The following PTPRD variants were observed in gnomAD, a reference collection of about 807,000 sequenced individuals.
PTPRD encodes receptor-type tyrosine-protein phosphatase delta.
A neutral mutation model predicts 214.5 loss-of-function variants in PTPRD; 34 were observed. The ratio of observed to expected loss-of-function variants is 0.16; its 90% confidence interval spans 0.12 to 0.21. PTPRD has a LOEUF of 0.21. Ranked by LOEUF, PTPRD falls within the 10% of genes least tolerant of loss-of-function variation. The pLI is 1.00. For missense variants in PTPRD, 2,545 were observed against 2,398.7 expected (o/e 1.06, Z -1.27); for synonymous variants, 1,128 against 845.7 (o/e 1.33, Z -5.79).
At chr9:9,605,611 A>C (rs1461302361) in intron 7 of PTPRD, among the ~76,000 whole-genome samples, 1 of 152,092 alleles carries the variant, frequency 6.6e-6, no homozygotes, top group Non-Finnish European at 1.5e-5. Context: ...CATTATGCAA[A>C]TTATATAACA....
intron 8 of PTPRD, among the ~76,000 whole-genome samples, chr9:9,510,856 A>G (rs10491611): frequency 0.12 from 18,632 of 151,704 alleles, 1,224 homozygotes; most frequent in Middle Eastern, 0.18. Flanking sequence ...CTCATTTTAC[A>G]TAATTGACAA....
At chr9:8,919,265 C>T (rs551402744) in intron 11 of PTPRD, among the ~76,000 whole-genome samples, 3 of 151,914 alleles carry the variant, frequency 2.0e-5, no homozygotes, top group Admixed American at 6.6e-5. Context: ...TGGTGGTGCA[C>T]ACCTGTAGTC....
intron 12 of PTPRD, among the ~76,000 whole-genome samples, chr9:8,675,481 C>T (rs2097384446): frequency 7.0e-6 from 1 of 142,490 alleles, no homozygotes; most frequent in South Asian, 2.3e-4. Flanking sequence ...TTATGTCATA[C>T]CCCCACCTCC....
At chr9:9,276,777 A>G (rs747718387) in intron 9 of PTPRD, among the ~76,000 whole-genome samples, 2 of 151,386 alleles carry the variant, frequency 1.3e-5, no homozygotes, top group Non-Finnish European at 3.0e-5. Context: ...TAAGGGGGCT[A>G]TGACGTATTC....
chr9:8,905,022 C>G (rs919486408), intron 11 of PTPRD, among the ~76,000 whole-genome samples: 6 of 152,098 alleles, frequency 3.9e-5, no homozygotes, highest in African/African-American at 1.4e-4. Flanking sequence ...AGAAGAAAAA[C>G]ACTTCAAGAT....
chr9:8,360,005 G>C (rs917947560), intron 39 of PTPRD, among the ~76,000 whole-genome samples: 1 of 152,174 alleles, frequency 6.6e-6, no homozygotes, highest in Non-Finnish European at 1.5e-5. Context: ...CTACTCTCCA[G>C]GTTGTCTGTG....
chr9:9,240,080 A>C (rs2099969617), intron 9 of PTPRD, among the ~76,000 whole-genome samples: 1 of 152,188 alleles, frequency 6.6e-6, no homozygotes, highest in South Asian at 2.1e-4. Context: ...TCAAGCACAA[A>C]TATTAAGAAT....
intron 11 of PTPRD, among the ~76,000 whole-genome samples, chr9:8,961,191 T>G (rs959074281): frequency 6.6e-6 from 1 of 152,034 alleles, no homozygotes; most frequent in East Asian, 1.9e-4. Context: ...ATTGCAAGCT[T>G]ATATTTGATT....
chr9:9,553,439 A>G (rs981544709), intron 8 of PTPRD, among the ~76,000 whole-genome samples: 1 of 152,070 alleles, frequency 6.6e-6, no homozygotes, highest in Non-Finnish European at 1.5e-5. Context: ...CATAATTCCC[A>G]TTTAACAGAT....
intron 8 of PTPRD, among the ~76,000 whole-genome samples, chr9:9,559,991 A>T (rs115537003): frequency 0.013 from 1,917 of 152,326 alleles, 33 homozygotes; most frequent in African/African-American, 0.044. Context: ...TGCCAAGTCC[A>T]CATGTGGCTC....
intron 7 of PTPRD, among the ~76,000 whole-genome samples, chr9:9,693,858 G>C (rs2097320804): frequency 1.3e-5 from 2 of 152,010 alleles, no homozygotes; most frequent in Non-Finnish European, 2.9e-5. Flanking sequence ...TTTATCAATT[G>C]CTTGATCAAT....
At chr9:10,411,963 A>C (rs75590686) in intron 2 of PTPRD, among the ~76,000 whole-genome samples, 2 of 151,832 alleles carry the variant, frequency 1.3e-5, no homozygotes, top group Non-Finnish European at 2.9e-5. Context: ...TTCTTAATAT[A>C]ACAAATATAC....
intron 2 of PTPRD, among the ~76,000 whole-genome samples, chr9:10,591,719 C>T (rs1334831383): frequency 6.6e-6 from 1 of 151,872 alleles, no homozygotes; most frequent in East Asian, 2.0e-4. Flanking sequence ...TTCTTATTCC[C>T]ACCTGTTGTG....
intron 8 of PTPRD, among the ~76,000 whole-genome samples, chr9:9,403,071 C>T (rs988867819): frequency 6.7e-6 from 1 of 149,658 alleles, no homozygotes; most frequent in Non-Finnish European, 1.5e-5. Flanking sequence ...GAGTGGATCA[C>T]TTGAGGTTAG....
intron 2 of PTPRD, among the ~76,000 whole-genome samples, chr9:10,377,102 G>A (rs2097745849): frequency 6.6e-6 from 1 of 151,458 alleles, no homozygotes; most frequent in Non-Finnish European, 1.5e-5. Context: ...ATCCATGGCT[G>A]TAAGTTCAAT....
chr9:10,204,639 G>A (rs1295549447), intron 3 of PTPRD, among the ~76,000 whole-genome samples: 1 of 152,040 alleles, frequency 6.6e-6, no homozygotes, highest in Admixed American at 6.6e-5. Context: ...CTATGACAAA[G>A]GCAGTATTGA....
intron 9 of PTPRD, among the ~76,000 whole-genome samples, chr9:9,327,336 T>C (rs114439235): frequency 0.013 from 2,036 of 152,308 alleles, 47 homozygotes; most frequent in African/African-American, 0.047. Flanking sequence ...ATCAAAGTAT[T>C]AAATATGCTT....
At chr9:9,567,357 G>T (rs1212284351) in intron 8 of PTPRD, among the ~76,000 whole-genome samples, 1 of 151,902 alleles carries the variant, frequency 6.6e-6, no homozygotes, top group Non-Finnish European at 1.5e-5. Context: ...CGGTCTCATG[G>T]ATGGTAACAG....
At chr9:8,999,841 G>A (rs2099410739) in intron 11 of PTPRD, among the ~76,000 whole-genome samples, 1 of 152,008 alleles carries the variant, frequency 6.6e-6, no homozygotes, top group African/African-American at 2.4e-5. Flanking sequence ...GCAGTCTGTA[G>A]ATTGAGCTTT....
Sources: gnomAD v4.1 joint callset for allele counts (sites outside exome capture counted in the v4.1 genomes callset) on GRCh38, gnomAD v4.1.1 for gene constraint, MANE v1.5 for transcripts, NCBI Gene and HGNC (gene_info 2026-07-23, HGNC 2026-07-21) for gene names.